The following CPNE4 variants were observed in gnomAD, a reference collection of about 807,000 sequenced individuals.
The protein encoded by CPNE4 is copine 4.
CPNE4 carries 25 observed loss-of-function variants against 67.9 expected under a neutral mutation model. That is an observed-to-expected ratio of 0.37 (90% CI 0.27 to 0.51). The LOEUF (loss-of-function observed/expected upper bound fraction) is 0.51, where lower values mean the gene tolerates loss of function less well. Among genes scored for constraint, CPNE4 ranks in the 20% least tolerant of loss-of-function variants. The pLI, the probability that CPNE4 is intolerant of heterozygous loss-of-function variation, is 0.93. For missense variants in CPNE4, 464 were observed against 690.8 expected, an observed-to-expected ratio of 0.67 and a Z score of 3.68; for synonymous variants, 242 against 244.9, an observed-to-expected ratio of 0.99 and a Z score of 0.11.
At chr3:132,001,613 A>AAGAG (rs1286224109) in intron 1 of CPNE4, among the ~76,000 whole-genome samples, 1 of 150,958 alleles carries the variant, frequency 6.6e-6, no homozygotes, top group Admixed American at 6.6e-5. Context: ...GAAAGAAAGA[A>AAGAG]AGAAAATGAA....
At chr3:131,546,279 C>T (rs1290526588) in intron 14 of CPNE4, among the ~76,000 whole-genome samples, 1 of 152,102 alleles carries the variant, frequency 6.6e-6, no homozygotes, top group Admixed American at 6.6e-5. Flanking sequence ...ATAGAAATTT[C>T]CAATAAAGCA....
At chr3:131,958,848 T>C (rs542679236) in intron 1 of CPNE4, among the ~76,000 whole-genome samples, 4 of 151,124 alleles carry the variant, frequency 2.6e-5, no homozygotes, top group Admixed American at 2.0e-4. Context: ...TTAGTAGAGA[T>C]GGGGTTTCAC....
chr3:131,825,549 A>G (rs946368995), intron 2 of CPNE4, among the ~76,000 whole-genome samples: 11 of 152,170 alleles, frequency 7.2e-5, no homozygotes, highest in African/African-American at 2.4e-5. Flanking sequence ...TTGATGAAGA[A>G]CAACACAAAT....
intron 2 of CPNE4, among the ~76,000 whole-genome samples, chr3:131,891,760 T>G (rs1429669805): frequency 6.6e-6 from 1 of 152,146 alleles, no homozygotes; most frequent in Non-Finnish European, 1.5e-5. Flanking sequence ...AACCTTATTC[T>G]TTTTATGGCT....
At chr3:131,776,329 G>T (rs2083290486) in intron 2 of CPNE4, among the ~76,000 whole-genome samples, 1 of 141,028 alleles carries the variant, frequency 7.1e-6, no homozygotes, top group South Asian at 2.3e-4. Flanking sequence ...AAGAAACAGA[G>T]TTTCACTGAT....
At chr3:131,817,021 G>A (rs551987258) in intron 2 of CPNE4, among the ~76,000 whole-genome samples, 181 of 152,270 alleles carry the variant, frequency 1.2e-3, no homozygotes, top group Middle Eastern at 3.4e-3. Flanking sequence ...TTTTCTTCAG[G>A]AAGAAGTGTT....
chr3:131,877,844 A>C (rs935356211), intron 2 of CPNE4, among the ~76,000 whole-genome samples: 1 of 152,234 alleles, frequency 6.6e-6, no homozygotes, highest in African/African-American at 2.4e-5. Context: ...GGTATGTCAC[A>C]AAATAGGACA....
intron 2 of CPNE4, among the ~76,000 whole-genome samples, chr3:131,780,584 C>G (rs1210526313): frequency 6.6e-6 from 1 of 151,938 alleles, no homozygotes; most frequent in Non-Finnish European, 1.5e-5. Flanking sequence ...GAACAGAAAA[C>G]CAAATACTTC....
At chr3:131,845,223 T>A (rs999257461) in intron 2 of CPNE4, among the ~76,000 whole-genome samples, 2 of 152,210 alleles carry the variant, frequency 1.3e-5, no homozygotes, top group African/African-American at 4.8e-5. Context: ...CCCACCATCA[T>A]CAACTTATAT....
At chr3:131,913,035 C>T (rs1211958384) in intron 1 of CPNE4, among the ~76,000 whole-genome samples, 1 of 152,048 alleles carries the variant, frequency 6.6e-6, no homozygotes, top group African/African-American at 2.4e-5. Flanking sequence ...GATAAGAGTA[C>T]AGATCTAGTA....
At chr3:131,691,383 A>G (rs2081030050) in intron 5 of CPNE4, among the ~76,000 whole-genome samples, 1 of 152,132 alleles carries the variant, frequency 6.6e-6, no homozygotes, top group Non-Finnish European at 1.5e-5. Context: ...ATAAAAAAAT[A>G]ATGTTTTCTG....
intron 2 of CPNE4, among the ~76,000 whole-genome samples, chr3:131,900,530 T>C (rs569461573): frequency 1.8e-4 from 28 of 152,192 alleles, no homozygotes; most frequent in Admixed American, 3.3e-4. Context: ...CAAGATTTCA[T>C]GTAGTGTCCT....
At chr3:131,764,962 T>C (rs1306917301) in intron 2 of CPNE4, among the ~76,000 whole-genome samples, 1 of 152,178 alleles carries the variant, frequency 6.6e-6, no homozygotes, top group East Asian at 1.9e-4. Context: ...GTAGAATAGA[T>C]CTAAATCCAG....
chr3:131,653,443 T>C (rs1334317280), intron 7 of CPNE4, among the ~76,000 whole-genome samples: 2 of 152,176 alleles, frequency 1.3e-5, no homozygotes, highest in South Asian at 2.1e-4. Context: ...CCACCGCGCC[T>C]GGCCACTGAT....
chr3:131,746,173 T>A (rs181455301), intron 2 of CPNE4, among the ~76,000 whole-genome samples: 40 of 152,272 alleles, frequency 2.6e-4, no homozygotes, highest in Non-Finnish European at 4.4e-4. Flanking sequence ...TACATATTTA[T>A]GGGGTACAAC....
chr3:131,757,164 G>A (rs941529934), intron 2 of CPNE4, among the ~76,000 whole-genome samples: 1 of 152,200 alleles, frequency 6.6e-6, no homozygotes, highest in African/African-American at 2.4e-5. Context: ...AGCAACTTTG[G>A]AACTGGGTAA....
chr3:131,717,945 T>TTCTTTCTTTCTC (rs1553758978), intron 3 of CPNE4, among the ~76,000 whole-genome samples: 1,430 of 140,634 alleles, frequency 0.01, 22 homozygotes, highest in Middle Eastern at 0.018. Flanking sequence ...TTTCTTTCTT[T>TTCTTTCTTTCTC]TCTTTCTTTC....
chr3:131,651,807 C>T (rs1031822961), intron 7 of CPNE4, among the ~76,000 whole-genome samples: 9 of 152,170 alleles, frequency 5.9e-5, no homozygotes, highest in Non-Finnish European at 5.9e-5. Context: ...AAGTCCAGAT[C>T]CAAGTTTTAG....
chr3:132,008,724 G>A (rs1302816082), intron 1 of CPNE4, among the ~76,000 whole-genome samples: 10 of 151,806 alleles, frequency 6.6e-5, no homozygotes, highest in Admixed American at 6.6e-4. Context: ...TTTTTTCCTG[G>A]TGGTTTTATT....
Sources: allele counts gnomAD v4.1 joint callset (sites outside exome capture counted in the v4.1 genomes callset), GRCh38; gene constraint gnomAD v4.1.1; transcripts MANE v1.5; gene names NCBI Gene and HGNC (gene_info 2026-07-23, HGNC 2026-07-21).